Variants in MAPK1IP1L observed in about 807,000 individuals in gnomAD.
MAPK1IP1L encodes the protein MAPK-interacting and spindle-stabilizing protein-like.
MAPK1IP1L carries 10 observed loss-of-function variants against 18.1 expected under a neutral mutation model. The ratio of observed to expected loss-of-function variants is 0.55; its 90% CI spans 0.34 to 0.94. The LOEUF is 0.94. MAPK1IP1L is among the 40% of genes least tolerant of loss of function. The pLI, the probability that MAPK1IP1L is intolerant of heterozygous loss-of-function variation, is 0.02. For missense variants in MAPK1IP1L, 260 were observed against 318.2 expected, an observed-to-expected ratio of 0.82 and a Z score of 1.39; for synonymous variants, 115 against 117.3, an observed-to-expected ratio of 0.98 and a Z score of 0.13.
chr14:55,058,581 A>C (rs1032715358), intron 1 of MAPK1IP1L, among the ~76,000 whole-genome samples: 1 of 152,230 alleles, frequency 6.6e-6, no homozygotes, highest in Non-Finnish European at 1.5e-5. Context: ...CTGTAATCCC[A>C]GCACTTTGGG....
intron 1 of MAPK1IP1L, among the ~76,000 whole-genome samples, chr14:55,056,384 C>T (rs1263411652): frequency 6.6e-6 from 1 of 152,140 alleles, no homozygotes; most frequent in Admixed American, 6.6e-5. Flanking sequence ...GAAAGGCTAA[C>T]CCTGTTTAAA....
Position 55,063,214 on chromosome 14 carries a change from T to C in MAPK1IP1L, c.615T>C (p.Tyr205=). 6.8e-6 allele frequency: 11 copies of C among 1,614,102 alleles called. No individual in the cohort carries two copies. Among genetic ancestry groups the C allele is most frequent in the Non-Finnish European group, 9.3e-6 (11 of 1,180,018 alleles). The part of the protein sequence containing the change: ...PPGAWGPPAP[Y]PAPTGSYPTP... ...GAGCCTGGGGACCACCAGCACCATA[T>C]CCTGCCCCTACAGGATCGTATCCCA... Residue 205 remains tyrosine (Y), a synonymous_variant, in exon 3 of 4, where the codon TAT becomes TAC. Transcript: ENST00000395468.
chr14:55,055,250 C>T (rs1432794972), intron 1 of MAPK1IP1L, among the ~76,000 whole-genome samples: 1 of 152,180 alleles, frequency 6.6e-6, no homozygotes, highest in African/African-American at 2.4e-5. Flanking sequence ...TACAGGTGCA[C>T]ACTACCAAGC....
Position 55,068,414 on chromosome 14 carries a change from CTG to C in MAPK1IP1L, c.*3790_*3791del, listed in dbSNP as rs1378433004. On this transcript the variant is annotated 3_prime_UTR_variant, in exon 4 of 4. Transcript: ENST00000395468. ...GCTCTACTCAGAGTTTTTGTCAAGACTGTGCCTGGGTTGAATATCAGTCAATT... is the reference window on the plus strand; with the variant it reads ...GCTCTACTCAGAGTTTTTGTCAAGACTGCCTGGGTTGAATATCAGTCAATT... 2 of 152,692 alleles carry C rather than the reference CTG, an allele frequency of 1.3e-5. No homozygotes were observed. The highest frequency in any genetic ancestry group is 6.5e-5 in the Admixed American group (1 of 15,296). 9.5% of individuals were successfully genotyped at this position (152,692 alleles called of 1,614,324 possible).
chr14:55,057,497 G>C (rs550347267), intron 1 of MAPK1IP1L, among the ~76,000 whole-genome samples: 1 of 152,130 alleles, frequency 6.6e-6, no homozygotes, highest in Non-Finnish European at 1.5e-5. Flanking sequence ...AGTGGCTCAC[G>C]CCTGTAATCC....
At chr14:55,054,510 G>A (rs1179532558) in intron 1 of MAPK1IP1L, among the ~76,000 whole-genome samples, 2 of 152,238 alleles carry the variant, frequency 1.3e-5, no homozygotes, top group East Asian at 3.9e-4. Context: ...CAAAAATTTT[G>A]ATTTCGCTTA....
chr14:55,052,442 G>A (rs1167111044), intron 1 of MAPK1IP1L, among the ~76,000 whole-genome samples: 1 of 152,186 alleles, frequency 6.6e-6, no homozygotes, highest in Non-Finnish European at 1.5e-5. Flanking sequence ...AGAATTCAGT[G>A]ATCTCCTTTT....
At chr14:55,056,094 G>A (rs2042769337) in intron 1 of MAPK1IP1L, among the ~76,000 whole-genome samples, 1 of 152,128 alleles carries the variant, frequency 6.6e-6, no homozygotes, top group African/African-American at 2.4e-5. Flanking sequence ...CAGTGCCGTA[G>A]AACAGAACTT....
At chr14:55,054,205 G>A (rs2042752938) in intron 1 of MAPK1IP1L, among the ~76,000 whole-genome samples, 1 of 140,530 alleles carries the variant, frequency 7.1e-6, no homozygotes, top group Non-Finnish European at 1.5e-5. Flanking sequence ...TGGAGACGGA[G>A]TCGCTTACTG....
At chr14:55,058,023 G>T (rs1324837214) in intron 1 of MAPK1IP1L, among the ~76,000 whole-genome samples, 1 of 152,176 alleles carries the variant, frequency 6.6e-6, no homozygotes, top group East Asian at 1.9e-4. Flanking sequence ...CCAGTTCAGG[G>T]TCTCAATGGC....
intron 1 of MAPK1IP1L, among the ~76,000 whole-genome samples, chr14:55,056,768 C>T (rs2042775392): frequency 6.6e-6 from 1 of 152,186 alleles, no homozygotes; most frequent in Admixed American, 6.5e-5. Context: ...CTCGGCCTCC[C>T]AAAGTGCTGG....
chr14:55,063,377 G>A, intron 3 of MAPK1IP1L, 52 bp downstream of exon 3: 1 of 1,443,602 alleles, frequency 6.9e-7, no homozygotes, highest in Non-Finnish European at 9.4e-7. Flanking sequence ...TAGCACAACT[G>A]ACATTGTTTC....
At chr14:55,058,851 G>A (rs2042791767) in intron 1 of MAPK1IP1L, among the ~76,000 whole-genome samples, 2 of 151,220 alleles carry the variant, frequency 1.3e-5, no homozygotes, top group Admixed American at 1.3e-4. Flanking sequence ...AAAATACTTG[G>A]GGGAAACAAT....
In MAPK1IP1L at chr14:55,051,721, C is replaced by T. The variant is rs756450329; in HGVS notation, c.-87C>T. On this transcript the variant is annotated 5_prime_UTR_variant, in exon 1 of 4. Coordinates refer to ENST00000395468, the MANE Select transcript of MAPK1IP1L (RefSeq NM_144578.4). ...CGCCGCTGCTCTAGCTGCCGTCAGT[C>T]AGGCTGCGCCCGCGTCTTCAGGGCC... The T allele has an allele frequency of 1.2e-5, 6 of 516,258 alleles. No individual in the cohort carries two copies. Among genetic ancestry groups the T allele is most frequent in the African/African-American group, 5.8e-5 (3 of 51,652 alleles). The allele number at this position is 516,258 out of a possible 1,614,324, so 32.0% of individuals were successfully genotyped here. A position where few individuals can be genotyped will look rare whatever the true frequency, so the allele number is the denominator to read the frequency against.
chr14:55,068,446 A>G lies in MAPK1IP1L; in HGVS notation c.*3819A>G, dbSNP rs145951979. ...TGGGTTGAATATCAGTCAATTGCCTACACTTCTAAACAATAAGTGCCAATG... is the reference window on the plus strand; with the variant it reads ...TGGGTTGAATATCAGTCAATTGCCTGCACTTCTAAACAATAAGTGCCAATG... On this transcript the variant is annotated 3_prime_UTR_variant, in exon 4 of 4. Transcript: ENST00000395468. 6.3e-3 allele frequency: 965 copies of G among 152,754 alleles called. 4 individuals are homozygous for G. The highest frequency in any genetic ancestry group is 0.017 in the Middle Eastern group (5 of 294). 9.5% of individuals were successfully genotyped at this position (152,754 alleles called of 1,614,324 possible).
At chr14:55,052,073 C>T (rs1313013622) in intron 1 of MAPK1IP1L, among the ~76,000 whole-genome samples, 1 of 151,924 alleles carries the variant, frequency 6.6e-6, no homozygotes, top group African/African-American at 2.4e-5. Flanking sequence ...TTTCTGGGCG[C>T]CTGACGTCAG....
chr14:55,053,329 A>G (rs1267250389), intron 1 of MAPK1IP1L, among the ~76,000 whole-genome samples: 1 of 152,234 alleles, frequency 6.6e-6, no homozygotes, highest in African/African-American at 2.4e-5. Flanking sequence ...AGCTGCAGTT[A>G]TAGCTAGATA....
chr14:55,061,202 A>G (rs2042815366), intron 1 of MAPK1IP1L, among the ~76,000 whole-genome samples: 1 of 152,198 alleles, frequency 6.6e-6, no homozygotes, highest in Non-Finnish European at 1.5e-5. Flanking sequence ...CTAATTTTTA[A>G]TATCTATTGT....
In MAPK1IP1L at chr14:55,064,787, C is replaced by T. The variant is rs1473904540; in HGVS notation, c.*160C>T. ...GATAACTGCCTCTTGTACTTGGATG[C>T]GTAGTACATCATATGTATACAATCA... On this transcript the variant is annotated 3_prime_UTR_variant, in exon 4 of 4. Transcript: ENST00000395468. 1.0e-5 allele frequency: 6 copies of T among 599,380 alleles called. No individual in the cohort carries two copies. The highest frequency in any genetic ancestry group is 5.6e-5 in the East Asian group (2 of 35,988). 37.1% of individuals were successfully genotyped at this position (599,380 alleles called of 1,614,324 possible). A position where few individuals can be genotyped will look rare whatever the true frequency, so the allele number is the denominator to read the frequency against.
Sources: allele counts gnomAD v4.1 joint callset (sites outside exome capture counted in the v4.1 genomes callset), GRCh38; gene constraint gnomAD v4.1.1; transcripts MANE v1.5; gene names NCBI Gene and HGNC (gene_info 2026-07-23, HGNC 2026-07-21).